The following SLC30A9 variants were observed in gnomAD, a reference collection of about 807,000 sequenced individuals.
SLC30A9 encodes solute carrier family 30 member 9.
Under a neutral mutation model 87.5 loss-of-function variants are expected in SLC30A9, and 58 were observed. That is an observed-to-expected ratio of 0.66 (90% CI 0.54 to 0.82). The LOEUF (loss-of-function observed/expected upper bound fraction) is 0.82, where lower values mean the gene tolerates loss of function less well. Ranked by LOEUF, SLC30A9 falls within the 40% of genes least tolerant of loss-of-function variation. SLC30A9 has a pLI of 0.00. For synonymous variants in SLC30A9, 234 were observed against 233.0 expected (o/e 1.00, Z -0.04); for missense variants, 557 against 679.1 (o/e 0.82, Z 2.00).
At chr4:42,056,983 TC>T (rs1479691393) in intron 9 of SLC30A9, among the ~76,000 whole-genome samples, 1 of 152,168 alleles carries the variant, frequency 6.6e-6, no homozygotes, top group East Asian at 1.9e-4. Context: ...CAAAATGATC[TC>T]CTTTCGCTCC....
chr4:42,040,983 C>T lies in SLC30A9; in HGVS notation c.737+1930C>T, dbSNP rs552352369. Among the ~76,000 whole-genome samples the T allele has an allele frequency of 1.8e-4, 28 of 152,200 alleles. No individual in the cohort carries two copies. The East Asian group carries it at 2.5e-3, about 14-fold the overall frequency. On this transcript the variant is annotated intron_variant, in intron 8 of 17. Coordinates refer to ENST00000264451, the MANE Select transcript of SLC30A9 (RefSeq NM_006345.4). ...GAGGTTTAATTGGACTTACAGTTCC[C>T]GTGGCTAGGGAAGCCTCACAATCAT...
chr4:42,052,309 A>G (rs1364176439), intron 9 of SLC30A9, among the ~76,000 whole-genome samples: 1 of 152,226 alleles, frequency 6.6e-6, no homozygotes, highest in Non-Finnish European at 1.5e-5. Flanking sequence ...CATAGATTGG[A>G]TGTCATAGAT....
chr4:42,012,194 C>G (rs1715473047), intron 2 of SLC30A9, among the ~76,000 whole-genome samples: 2 of 152,204 alleles, frequency 1.3e-5, no homozygotes, highest in East Asian at 3.9e-4. Flanking sequence ...AACCAAAACA[C>G]GAAACAACCC....
intron 9 of SLC30A9, 141 bp downstream of exon 9, chr4:42,049,620 A>C (rs1365915072): frequency 4.3e-6 from 2 of 468,828 alleles, no homozygotes; most frequent in African/African-American, 2.0e-5. Flanking sequence ...TCAGCAATGA[A>C]GTGCATAGAA....
In SLC30A9 at chr4:42,067,175, G is replaced by A. The variant is rs150864299; in HGVS notation, c.1235G>A (p.Gly412Asp). The A allele has an allele frequency of 1.9e-6, 3 of 1,594,708 alleles. No homozygotes were observed. The African/African-American group carries it at 4.0e-5, about 21-fold the overall frequency. The change falls in exon 14 of 18, where the codon GGC becomes GAC. Residue 412 changes from glycine to aspartate, a missense_variant. Gly to Asp is a moderately conservative substitution (Grantham distance 94). This residue lies in a region of SLC30A9 where 467 missense variants were observed against 529.8 expected (regional missense o/e 0.88). Coordinates refer to ENST00000264451, the MANE Select transcript of SLC30A9 (RefSeq NM_006345.4). ...GTTATAATAGCAGCCACTTGCATGG[G>A]CCTTACTTCTATAACAGGTAAATAT... Reference protein sequence around the residue: ...LGVIIAATCMGLTSITGNPLY... With the variant: ...LGVIIAATCMDLTSITGNPLY...
intron 2 of SLC30A9, among the ~76,000 whole-genome samples, chr4:42,005,831 A>G (rs1447940833): frequency 6.6e-6 from 1 of 152,214 alleles, no homozygotes; most frequent in East Asian, 1.9e-4. Flanking sequence ...TTACTCAAGA[A>G]ATATTTATTG....
rs1054867514 is a variant in SLC30A9 at position 42,040,022 on chromosome 4, T to A, written c.737+969T>A. On this transcript the variant is annotated intron_variant, in intron 8 of 17. Transcript: ENST00000264451. ...ATAATACAGACAAGGAATAATGCTG[T>A]CATAACTACAATAGTGGTGGTACAG... Among the ~76,000 whole-genome samples the A allele has an allele frequency of 1.1e-4, 17 of 152,286 alleles. No individual in the cohort carries two copies. The South Asian group carries it at 1.7e-3, about 15-fold the overall frequency.
At chr4:42,053,788 A>AGC (rs1203703972) in intron 9 of SLC30A9, among the ~76,000 whole-genome samples, 2 of 151,506 alleles carry the variant, frequency 1.3e-5, no homozygotes, top group Non-Finnish European at 2.9e-5. Context: ...AATGTTTATC[A>AGC]GCAGTACAGC....
chr4:42,042,581 G>A (rs1331117106), intron 8 of SLC30A9, among the ~76,000 whole-genome samples: 1 of 152,200 alleles, frequency 6.6e-6, no homozygotes, highest in African/African-American at 2.4e-5. Context: ...CCGGTCAGGG[G>A]CTTATAGATA....
At chr4:42,050,475 A>G (rs1461615443) in intron 9 of SLC30A9, among the ~76,000 whole-genome samples, 1 of 152,192 alleles carries the variant, frequency 6.6e-6, no homozygotes, top group Non-Finnish European at 1.5e-5. Flanking sequence ...GGAGATATGT[A>G]TGATGTTATT....
At chr4:42,027,071 C>T (rs1415562857) in intron 6 of SLC30A9, among the ~76,000 whole-genome samples, 4 of 152,252 alleles carry the variant, frequency 2.6e-5, no homozygotes, top group South Asian at 2.1e-4. Flanking sequence ...GCCGGTGTTA[C>T]GGCATCTGTC....
intron 6 of SLC30A9, chr4:42,030,093 C>T (rs1270630695): frequency 1.1e-5 from 10 of 895,062 alleles, no homozygotes; most frequent in South Asian, 1.8e-5. Context: ...TTCAGGGATC[C>T]TTTGATGTAA....
intron 16 of SLC30A9, among the ~76,000 whole-genome samples, chr4:42,077,610 G>T (rs1385670324): frequency 1.3e-5 from 2 of 152,054 alleles, no homozygotes; most frequent in African/African-American, 4.8e-5. Context: ...CACCATCTTG[G>T]CCAGGCTGGT....
At chr4:42,046,700 T>C (rs867615816) in intron 8 of SLC30A9, among the ~76,000 whole-genome samples, 33 of 152,242 alleles carry the variant, frequency 2.2e-4, no homozygotes, top group African/African-American at 7.5e-4. Flanking sequence ...CAAGCTACCA[T>C]TGACTTTCTT....
chr4:42,061,792 C>T (rs770708045), intron 10 of SLC30A9, among the ~76,000 whole-genome samples: 12 of 151,402 alleles, frequency 7.9e-5, no homozygotes, highest in Admixed American at 3.3e-4. Flanking sequence ...CCCAGCTACT[C>T]GGGAAGCTGA....
At position 42,023,402 on chromosome 4, in the gene SLC30A9, AAAGTC is replaced by A; in HGVS notation, c.610+23_610+27del. ...CAGAGAAAGTAAGTATATTCAATTT[AAAGTC>A]AAGTTAATTGAAAAATAACTTGTAG... On this transcript the variant is annotated intron_variant, in intron 6 of 17. Coordinates refer to ENST00000264451, the MANE Select transcript of SLC30A9 (RefSeq NM_006345.4). The A allele has an allele frequency of 6.8e-7, 1 of 1,473,138 alleles. No individual in the cohort carries two copies. The highest frequency in any genetic ancestry group is 9.5e-7 in the Non-Finnish European group (1 of 1,051,648). The allele number at this position is 1,473,138 out of a possible 1,614,324, so 91.3% of individuals were successfully genotyped here. A position where few individuals can be genotyped will look rare whatever the true frequency, so the allele number is the denominator to read the frequency against.
intron 2 of SLC30A9, among the ~76,000 whole-genome samples, chr4:42,006,954 G>C (rs1715230721): frequency 6.6e-6 from 1 of 152,100 alleles, no homozygotes; most frequent in Admixed American, 6.5e-5. Context: ...TCGGGGTCTT[G>C]TTTGGGAGTT....
chr4:42,036,830 G>A (rs1220304998), intron 7 of SLC30A9, among the ~76,000 whole-genome samples: 2 of 152,042 alleles, frequency 1.3e-5, no homozygotes, highest in Non-Finnish European at 2.9e-5. Flanking sequence ...TATGTCTTAT[G>A]AGCCAGCATT....
chr4:42,040,458 G>C (rs1046118864), intron 8 of SLC30A9, among the ~76,000 whole-genome samples: 1 of 150,146 alleles, frequency 6.7e-6, no homozygotes, highest in Non-Finnish European at 1.5e-5. Flanking sequence ...AGCCATAAAA[G>C]TAAAGATCAC....
Sources: gnomAD v4.1 joint callset for allele counts (sites outside exome capture counted in the v4.1 genomes callset) on GRCh38, gnomAD v4.1.1 for gene constraint, gnomAD v4.1.1 regional missense constraint, MANE v1.5 for transcripts, NCBI Gene and HGNC (gene_info 2026-07-23, HGNC 2026-07-21) for gene names.